SPSB4: variants seen among roughly 807,000 people sequenced by gnomAD.
SPSB4 encodes SPRY domain-containing SOCS box protein 4.
A neutral mutation model predicts 20.9 loss-of-function variants in SPSB4; 21 were observed. The observed-to-expected ratio is 1.01, with a 90% CI of 0.71 to 1.45. The LOEUF is 1.45. Ranked by LOEUF, SPSB4 falls within the 40% of genes most tolerant of loss-of-function variation. The pLI is 0.00. For missense variants in SPSB4, 399 were observed against 399.2 expected (o/e 1.00, Z 0.00); for synonymous variants, 207 against 183.8 (o/e 1.13, Z -1.02).
chr3:141,089,571 G>T (rs891033876), intron 2 of SPSB4, among the ~76,000 whole-genome samples: 3 of 152,182 alleles, frequency 2.0e-5, no homozygotes, highest in Non-Finnish European at 4.4e-5. Flanking sequence ...TGAGTGTGGG[G>T]CAGGTAAGAC....
Position 141,064,919 on chromosome 3 carries a change from A to G in SPSB4, c.-153-1033A>G. ...AGGCAGTCTGGGGTCAGTGCTGTTA[A>G]TGGTATTTACCTGATCGAACAAAGA... On this transcript the variant is annotated intron_variant, in intron 1 of 2. Transcript: ENST00000310546. Among the ~76,000 whole-genome samples, 2 of 152,140 alleles carry G rather than the reference A, an allele frequency of 1.3e-5. 1 individual carries two copies. Among genetic ancestry groups the G allele is most frequent in the Non-Finnish European group, 2.9e-5 (2 of 68,036 alleles).
In SPSB4 at chr3:141,098,807, A is replaced by G. The variant is rs547412760; in HGVS notation, c.694+32009A>G. Among the ~76,000 whole-genome samples the G allele has an allele frequency of 7.9e-5, 12 of 152,292 alleles. No homozygotes were observed. The East Asian group carries it at 2.3e-3, about 29-fold the overall frequency. On this transcript the variant is annotated intron_variant, in intron 2 of 2. Coordinates refer to ENST00000310546, the MANE Select transcript of SPSB4 (RefSeq NM_080862.3). Reference sequence around the variant, plus strand: ...TAATAGTGGTGTTGGTGGGTGTCTTAGTTCATTTTCTGCTGCTAGAATAGA... The same window carrying G: ...TAATAGTGGTGTTGGTGGGTGTCTTGGTTCATTTTCTGCTGCTAGAATAGA...
rs560910879 is a variant in SPSB4, at chr3:141,079,185, C to T, written c.694+12387C>T. 1.1e-3 allele frequency among the ~76,000 whole-genome samples: 172 copies of T among 151,522 alleles called. 1 individual carries two copies. Among genetic ancestry groups the T allele is most frequent in the African/African-American group, 4.1e-3 (167 of 41,124 alleles). ...CTGAGGCAGGAGGATGGCGTGAACCCGGCAGGTGGAGGTTGTAGTGAGCTG... is the reference window on the plus strand; with the variant it reads ...CTGAGGCAGGAGGATGGCGTGAACCTGGCAGGTGGAGGTTGTAGTGAGCTG... On this transcript the variant is annotated intron_variant, in intron 2 of 2. Transcript: ENST00000310546.
At chr3:141,088,368 G>A (rs35409304) in intron 2 of SPSB4, among the ~76,000 whole-genome samples, 2 of 152,104 alleles carry the variant, frequency 1.3e-5, no homozygotes, top group Non-Finnish European at 2.9e-5. Context: ...ATTTTCCTGC[G>A]TCTTTGCGCT....
At chr3:141,100,386 C>T (rs1232493043) in intron 2 of SPSB4, among the ~76,000 whole-genome samples, 3 of 152,120 alleles carry the variant, frequency 2.0e-5, no homozygotes, top group Non-Finnish European at 4.4e-5. Flanking sequence ...GACATGCACA[C>T]AAGAAGAACG....
At chr3:141,052,599 C>T (rs1936113873) in intron 1 of SPSB4, among the ~76,000 whole-genome samples, 1 of 152,128 alleles carries the variant, frequency 6.6e-6, no homozygotes, top group Non-Finnish European at 1.5e-5. Context: ...AAGTAAAGCA[C>T]GGGTCACGCA....
At chr3:141,060,638 T>C (rs974604353) in intron 1 of SPSB4, among the ~76,000 whole-genome samples, 1 of 152,234 alleles carries the variant, frequency 6.6e-6, no homozygotes, top group Non-Finnish European at 1.5e-5. Flanking sequence ...GAATAAATGC[T>C]GGAAGTAGAA....
At chr3:141,075,298 C>T (rs1291198480) in intron 2 of SPSB4, among the ~76,000 whole-genome samples, 4 of 152,108 alleles carry the variant, frequency 2.6e-5, no homozygotes, top group Non-Finnish European at 4.4e-5. Flanking sequence ...GATGAAGACC[C>T]TCCATGGCTT....
chr3:141,097,672 A>G (rs1483271437), intron 2 of SPSB4, among the ~76,000 whole-genome samples: 2 of 152,028 alleles, frequency 1.3e-5, no homozygotes, highest in Non-Finnish European at 2.9e-5. Context: ...CTGTTCAGTG[A>G]GGAGGAATGG....
At chr3:141,053,775 A>G (rs1936135767) in intron 1 of SPSB4, among the ~76,000 whole-genome samples, 1 of 152,332 alleles carries the variant, frequency 6.6e-6, no homozygotes, top group South Asian at 2.1e-4. Flanking sequence ...AGTCATAACC[A>G]TTTATCAGAA....
intron 2 of SPSB4, among the ~76,000 whole-genome samples, chr3:141,089,420 G>A (rs577609671): frequency 6.6e-6 from 1 of 152,326 alleles, no homozygotes; most frequent in African/African-American, 2.4e-5. Flanking sequence ...AGTGAAAGGA[G>A]GGCTGTGCAG....
At chr3:141,080,077 CACTGGG>C (rs2107786133) in intron 2 of SPSB4, among the ~76,000 whole-genome samples, 1 of 152,290 alleles carries the variant, frequency 6.6e-6, no homozygotes, top group East Asian at 1.9e-4. Context: ...GTCTCTTTTC[CACTGGG>C]ACAGGTCTCC....
intron 2 of SPSB4, among the ~76,000 whole-genome samples, chr3:141,112,167 C>A (rs969320228): frequency 2.6e-5 from 4 of 152,182 alleles, no homozygotes; most frequent in African/African-American, 7.2e-5. Context: ...GGTGGTGACC[C>A]CCCTGTGATC....
intron 2 of SPSB4, among the ~76,000 whole-genome samples, chr3:141,142,983 A>AT (rs1939359037): frequency 1.3e-5 from 2 of 151,256 alleles, no homozygotes; most frequent in East Asian, 3.9e-4. Context: ...CGCCCAGCTA[A>AT]TTTTTTGTGT....
Position 141,066,185 on chromosome 3 carries a change from G to C in SPSB4, c.81G>C (p.Arg27=). Residue 27 remains arginine (R), a synonymous_variant, in exon 2 of 3, where the codon CGG becomes CGC. Transcript: ENST00000310546. ...PALRPAKREL[R]GAEPGRPARL... ...TGCGGCCGGCCAAGCGGGAGCTGCGGGGTGCAGAGCCCGGGCGGCCGGCGC... is the reference window on the plus strand; with the variant it reads ...TGCGGCCGGCCAAGCGGGAGCTGCGCGGTGCAGAGCCCGGGCGGCCGGCGC... The C allele has an allele frequency of 6.5e-7, 1 of 1,533,886 alleles. No homozygotes were observed. The highest frequency in any genetic ancestry group is 8.8e-7 in the Non-Finnish European group (1 of 1,142,140).
intron 2 of SPSB4, among the ~76,000 whole-genome samples, chr3:141,071,497 G>A (rs1267546011): frequency 5.3e-5 from 8 of 150,942 alleles, no homozygotes; most frequent in African/African-American, 7.3e-5. Flanking sequence ...TTTTCTTTTC[G>A]TCGCAATAAG....
At chr3:141,088,286 A>G (rs1458696254) in intron 2 of SPSB4, among the ~76,000 whole-genome samples, 4 of 152,362 alleles carry the variant, frequency 2.6e-5, no homozygotes, top group African/African-American at 7.2e-5. Flanking sequence ...CCATGCTACA[A>G]AGAATAATGC....
intron 2 of SPSB4, among the ~76,000 whole-genome samples, chr3:141,080,779 G>A (rs2107786482): frequency 6.6e-6 from 1 of 152,312 alleles, no homozygotes; most frequent in East Asian, 1.9e-4. Flanking sequence ...GATATTTAAG[G>A]TGTTCTGCCA....
intron 2 of SPSB4, among the ~76,000 whole-genome samples, chr3:141,111,956 C>T (rs1017886313): frequency 1.3e-5 from 2 of 152,170 alleles, no homozygotes; most frequent in Non-Finnish European, 2.9e-5. Flanking sequence ...GAGCAGCTTC[C>T]CGTCTCTCCG....
Sources: allele counts gnomAD v4.1 joint callset (sites outside exome capture counted in the v4.1 genomes callset), GRCh38; gene constraint gnomAD v4.1.1; transcripts MANE v1.5; gene names NCBI Gene and HGNC (gene_info 2026-07-23, HGNC 2026-07-21).